Variants in RMDN2 observed in about 807,000 individuals in gnomAD.
The protein encoded by RMDN2 is regulator of microtubule dynamics 2.
A neutral mutation model predicts 52.8 loss-of-function variants in RMDN2; 61 were observed. The observed-to-expected ratio is 1.16, with a 90% confidence interval of 0.94 to 1.43. The LOEUF (loss-of-function observed/expected upper bound fraction) is 1.43. Among genes scored for constraint, RMDN2 ranks in the 40% most tolerant of loss-of-function variants. The probability of loss-of-function intolerance (pLI) is 0.00; values close to 1 mark genes in which losing one functional copy is unlikely to be tolerated. For synonymous variants in RMDN2, 180 were observed against 153.1 expected, an observed-to-expected ratio of 1.18 and a Z score of -1.30; for missense variants, 592 against 475.3, an observed-to-expected ratio of 1.25 and a Z score of -2.28.
intron 2 of RMDN2, chr2:37,950,319 C>A: frequency 1.3e-6 from 1 of 780,984 alleles, no homozygotes; most frequent in Non-Finnish European, 2.0e-6. Flanking sequence ...ACTCCTCCAA[C>A]AGTGAAGGTA....
At chr2:37,997,796 C>G (rs553818301) in intron 8 of RMDN2, 2 of 356,774 alleles carry the variant, frequency 5.6e-6, no homozygotes, top group African/African-American at 4.2e-5. Context: ...GCTCTTACTG[C>G]TAAGTCCAAG....
At chr2:38,045,528 G>C (rs933932585) in intron 10 of RMDN2, among the ~76,000 whole-genome samples, 36 of 152,158 alleles carry the variant, frequency 2.4e-4, no homozygotes, top group African/African-American at 7.5e-4. Context: ...GGAACAAGGA[G>C]CTTTAGAAAT....
At chr2:37,950,578 A>T (rs766639062) in intron 2 of RMDN2, 11 of 1,613,056 alleles carry the variant, frequency 6.8e-6, no homozygotes, top group Non-Finnish European at 9.3e-6. Flanking sequence ...TTAAATTTAC[A>T]ATGGGAAAGT....
Position 38,058,091 on chromosome 2 carries a change from C to T in RMDN2, c.1714-8891C>T, listed in dbSNP as rs963832949. On this transcript the variant is annotated intron_variant, in intron 10 of 10. Transcript: ENST00000234195. ...CATAATAGCAGCATTAGAAAGCCAC[C>T]TTAACTCTTGGAAATTTAACCTTTT... 3.0e-4 allele frequency among the ~76,000 whole-genome samples: 45 copies of T among 152,204 alleles called. 1 individual carries two copies. Among genetic ancestry groups the T allele is most frequent in the Non-Finnish European group, 8.8e-5 (6 of 68,032 alleles).
At chr2:38,028,128 C>A (rs1330626852) in intron 10 of RMDN2, 2 of 152,038 alleles carry the variant, frequency 1.3e-5, no homozygotes, top group Non-Finnish European at 1.5e-5. Flanking sequence ...ATTATGGGGA[C>A]TATCCAGAGG....
intron 10 of RMDN2, among the ~76,000 whole-genome samples, chr2:38,040,332 G>T (rs1680878447): frequency 6.6e-6 from 1 of 152,060 alleles, no homozygotes; most frequent in African/African-American, 2.4e-5. Context: ...TTCACATGCT[G>T]GAACTTAATG....
At chr2:37,967,411 AC>A (rs1233458176) in intron 2 of RMDN2, among the ~76,000 whole-genome samples, 1 of 152,208 alleles carries the variant, frequency 6.6e-6, no homozygotes, top group Non-Finnish European at 1.5e-5. Context: ...ATATGGCCTT[AC>A]CAGTCCAATC....
At chr2:38,020,111 T>C (rs1446857845), downstream of RMDN2, among the ~76,000 whole-genome samples, 1 of 152,056 alleles carries the variant, frequency 6.6e-6, no homozygotes, top group African/African-American at 2.4e-5. Flanking sequence ...GGAAGACAAT[T>C]TTTCCCTGGA....
rs183378026 is a variant in RMDN2 at position 37,975,643 on chromosome 2, A to T, written c.730+329A>T. Among the ~76,000 whole-genome samples, 146 of 152,262 alleles carry T rather than the reference A, an allele frequency of 9.6e-4. 1 individual carries two copies. Among genetic ancestry groups the T allele is most frequent in the African/African-American group, 3.4e-3 (142 of 41,548 alleles). ...GATGGGTGCAGAAAACCACCGTGGC[A>T]CGTGTATACCTATGACCTGCATGTT... On this transcript the variant is annotated intron_variant, in intron 4 of 10. Transcript: ENST00000354545.
At chr2:38,041,824 G>A (rs1169686165) in intron 10 of RMDN2, among the ~76,000 whole-genome samples, 1 of 151,876 alleles carries the variant, frequency 6.6e-6, no homozygotes, top group East Asian at 1.9e-4. Context: ...TATGGTTGTA[G>A]TTTTTTTTAT....
intron 5 of RMDN2, among the ~76,000 whole-genome samples, chr2:37,982,993 A>C (rs1297157197): frequency 6.6e-6 from 1 of 151,962 alleles, no homozygotes; most frequent in Admixed American, 6.6e-5. Context: ...AGAACACCGA[A>C]GTCCTACTTT....
chr2:37,991,521 T>A (rs528098568), intron 7 of RMDN2, among the ~76,000 whole-genome samples: 77 of 152,136 alleles, frequency 5.1e-4, no homozygotes, highest in South Asian at 1.2e-3. Context: ...ATTTTATAAT[T>A]TATAAACTTG....
At chr2:37,970,485 C>G (rs1206780953) in intron 2 of RMDN2, among the ~76,000 whole-genome samples, 1 of 151,910 alleles carries the variant, frequency 6.6e-6, no homozygotes, top group Non-Finnish European at 1.5e-5. Flanking sequence ...TAAGATTGGC[C>G]TATAATTTTT....
chr2:38,011,774 G>A (rs922505152), intron 10 of RMDN2, among the ~76,000 whole-genome samples: 1 of 152,140 alleles, frequency 6.6e-6, no homozygotes, highest in African/African-American at 2.4e-5. Context: ...ATGGAGTTGT[G>A]GGCAAGTATA....
chr2:38,022,514 T>A (rs892399569), downstream of RMDN2, among the ~76,000 whole-genome samples: 3 of 152,204 alleles, frequency 2.0e-5, 1 homozygote, highest in Non-Finnish European at 2.9e-5. Flanking sequence ...TCAAGAGACT[T>A]CGTGTACAAC....
chr2:38,024,594 A>T (rs1679637961), intron 10 of RMDN2, among the ~76,000 whole-genome samples: 1 of 152,158 alleles, frequency 6.6e-6, no homozygotes. Context: ...TGAAGTATCT[A>T]TTCAAATATT....
At chr2:37,997,207 G>A (rs1410581368) in intron 7 of RMDN2, among the ~76,000 whole-genome samples, 1 of 152,036 alleles carries the variant, frequency 6.6e-6, no homozygotes, top group African/African-American at 2.4e-5. Flanking sequence ...TTAGAATTGT[G>A]AAAAAGGAAG....
At chr2:38,024,473 G>A (rs1001372826) in intron 10 of RMDN2, among the ~76,000 whole-genome samples, 1 of 152,072 alleles carries the variant, frequency 6.6e-6, no homozygotes, top group African/African-American at 2.4e-5. Context: ...TTTAGCTACT[G>A]CACTAGGCAT....
rs1669873537 is a variant in RMDN2 at position 37,959,221 on chromosome 2, G to T, written c.453-14819G>T. On this transcript the variant is annotated intron_variant, in intron 2 of 10. Transcript: ENST00000354545. Reference sequence around the variant, plus strand: ...TCTGTTGTTTGGAATAGCTTCAGAAGGAATGGTACCAGCTCCTCTTTGTAC... The same window carrying T: ...TCTGTTGTTTGGAATAGCTTCAGAATGAATGGTACCAGCTCCTCTTTGTAC... 1.3e-5 allele frequency among the ~76,000 whole-genome samples: 2 copies of T among 151,022 alleles called. 1 individual carries two copies. The highest frequency in any genetic ancestry group is 4.1e-4 in the South Asian group (2 of 4,836).
Sources: allele counts gnomAD v4.1 joint callset (sites outside exome capture counted in the v4.1 genomes callset), GRCh38; gene constraint gnomAD v4.1.1; transcripts MANE v1.5; gene names NCBI Gene and HGNC (gene_info 2026-07-23, HGNC 2026-07-21).